Variants in RGS7 observed in about 807,000 individuals in gnomAD.
RGS7 encodes the protein regulator of G protein signaling 7.
A neutral mutation model predicts 81.1 loss-of-function variants in RGS7; 27 were observed. The ratio of observed to expected loss-of-function variants is 0.33; its 90% CI spans 0.25 to 0.46. The LOEUF is 0.46. RGS7 is among the 20% of genes least tolerant of loss of function. The pLI is 1.00. For synonymous variants in RGS7, 208 were observed against 207.7 expected, an observed-to-expected ratio of 1.00 and a Z score of -0.01; for missense variants, 396 against 607.4, an observed-to-expected ratio of 0.65 and a Z score of 3.66.
chr1:241,237,021 G>A (rs918768483), intron 2 of RGS7, among the ~76,000 whole-genome samples: 2 of 152,180 alleles, frequency 1.3e-5, no homozygotes, highest in Non-Finnish European at 2.9e-5. Flanking sequence ...CCTTGTTAAT[G>A]GTCTTCGGAG....
chr1:241,137,393 G>T (rs2067598125), intron 2 of RGS7, among the ~76,000 whole-genome samples: 1 of 152,094 alleles, frequency 6.6e-6, no homozygotes, highest in Non-Finnish European at 1.5e-5. Flanking sequence ...AATGATTTAA[G>T]ATATGTAGAA....
At chr1:241,071,632 A>G (rs919840015) in intron 3 of RGS7, among the ~76,000 whole-genome samples, 12 of 152,096 alleles carry the variant, frequency 7.9e-5, no homozygotes, top group African/African-American at 2.2e-4. Context: ...AAAGACTCCA[A>G]TAAAACACTG....
intron 3 of RGS7, among the ~76,000 whole-genome samples, chr1:241,089,291 G>C (rs2678783): frequency 0.52 from 77,975 of 149,030 alleles, 23,317 homozygotes; most frequent in African/African-American, 0.84. Flanking sequence ...AGGCAGGGAG[G>C]GACTGATCCA....
intron 15 of RGS7, among the ~76,000 whole-genome samples, chr1:240,803,981 A>G (rs1244467708): frequency 6.6e-6 from 1 of 152,154 alleles, no homozygotes; most frequent in Non-Finnish European, 1.5e-5. Context: ...ATTAAATCTC[A>G]AGACTTAGCC....
intron 2 of RGS7, among the ~76,000 whole-genome samples, chr1:241,269,427 A>G (rs1244245884): frequency 2.6e-5 from 4 of 152,228 alleles, no homozygotes; most frequent in Non-Finnish European, 5.9e-5. Flanking sequence ...CCCTCGAGCA[A>G]GGCCTCCTGC....
At chr1:241,069,169 G>C (rs1028937284) in intron 3 of RGS7, among the ~76,000 whole-genome samples, 6 of 152,196 alleles carry the variant, frequency 3.9e-5, no homozygotes. Flanking sequence ...GTCCTATAGA[G>C]ATGTGGATAC....
intron 10 of RGS7, among the ~76,000 whole-genome samples, chr1:240,817,453 T>C (rs931356154): frequency 1.3e-5 from 2 of 152,108 alleles, no homozygotes; most frequent in African/African-American, 4.8e-5. Context: ...CTTGCCAATA[T>C]CTCTAAATTC....
In RGS7 at chr1:241,144,502, A is replaced by C. The variant is rs1415105694; in HGVS notation, c.79-45740T>G. 6.6e-6 allele frequency among the ~76,000 whole-genome samples: 1 copy of C among 152,190 alleles called. No homozygotes were observed. Among genetic ancestry groups the C allele is most frequent in the African/African-American group, 2.4e-5 (1 of 41,434 alleles). ...GATTCCCCCTTCCTTGGGAAGCCAT[A>C]AATGCAACGTTTCACTGAGCAGCAT... On this transcript the variant is annotated intron_variant, in intron 2 of 18. Transcript: ENST00000440928. The surrounding 1 kb of genome is among the most constrained non-coding windows in gnomAD (Gnocchi z 4.7).
chr1:240,989,449 T>C (rs999341907), intron 3 of RGS7, among the ~76,000 whole-genome samples: 3 of 151,154 alleles, frequency 2.0e-5, no homozygotes, highest in African/African-American at 7.3e-5. Flanking sequence ...AAAAAAAAGA[T>C]ACCAGATAAT....
chr1:241,266,858 A>G (rs1397233190), intron 2 of RGS7, among the ~76,000 whole-genome samples: 1 of 152,162 alleles, frequency 6.6e-6, no homozygotes, highest in African/African-American at 2.4e-5. Context: ...AAATCAAGGC[A>G]AATTCTTTTT....
chr1:241,182,047 T>C (rs984143462), intron 2 of RGS7, among the ~76,000 whole-genome samples: 2 of 152,094 alleles, frequency 1.3e-5, no homozygotes, highest in Admixed American at 6.5e-5. Flanking sequence ...TCACAACCTA[T>C]AGCATTGTGA....
intron 3 of RGS7, among the ~76,000 whole-genome samples, chr1:240,986,828 C>T (rs1248382953): frequency 7.0e-4 from 1 of 1,422 alleles, no homozygotes; most frequent in Non-Finnish European, 1.4e-3. Context: ...GTGATCCGCC[C>T]GCCTCGGCCT....
chr1:240,826,092 G>C (rs1365924395), intron 10 of RGS7, among the ~76,000 whole-genome samples: 1 of 152,202 alleles, frequency 6.6e-6, no homozygotes, highest in Non-Finnish European at 1.5e-5. Context: ...AAGCAATTAA[G>C]TTGGGCCAGC....
At chr1:241,101,316 C>A (rs2459947) in intron 2 of RGS7, among the ~76,000 whole-genome samples, 2 of 151,902 alleles carry the variant, frequency 1.3e-5, no homozygotes. Context: ...GCCAACATGG[C>A]GCAACCCTGT....
intron 9 of RGS7, among the ~76,000 whole-genome samples, chr1:240,833,799 C>G (rs1445724573): frequency 6.6e-6 from 1 of 151,774 alleles, no homozygotes; most frequent in Non-Finnish European, 1.5e-5. Flanking sequence ...AGTGTTCAGT[C>G]TCAGGACTTT....
At chr1:241,298,594 C>T (rs889924678) in intron 2 of RGS7, among the ~76,000 whole-genome samples, 1 of 152,154 alleles carries the variant, frequency 6.6e-6, no homozygotes, top group African/African-American at 2.4e-5. Flanking sequence ...TCTGTACCCT[C>T]GGGTATGATT....
At chr1:240,970,611 G>T (rs564440471) in intron 4 of RGS7, among the ~76,000 whole-genome samples, 1 of 152,316 alleles carries the variant, frequency 6.6e-6, no homozygotes, top group South Asian at 2.1e-4. Context: ...AGCAACATGT[G>T]CAGACTTCTC....
At chr1:241,339,015 A>G (rs2082389633) in intron 2 of RGS7, among the ~76,000 whole-genome samples, 1 of 152,096 alleles carries the variant, frequency 6.6e-6, no homozygotes, top group African/African-American at 2.4e-5. Context: ...CCCAACATGC[A>G]TTAGCTATTT....
intron 3 of RGS7, among the ~76,000 whole-genome samples, chr1:241,015,961 A>T (rs1175402895): frequency 2.6e-5 from 4 of 152,198 alleles, no homozygotes; most frequent in Non-Finnish European, 5.9e-5. Context: ...CCATTAAACA[A>T]ATTCACTTTA....
Sources: allele counts gnomAD v4.1 joint callset (sites outside exome capture counted in the v4.1 genomes callset), GRCh38; gene constraint gnomAD v4.1.1; non-coding constraint Gnocchi (gnomAD v3.1); transcripts MANE v1.5; gene names NCBI Gene and HGNC (gene_info 2026-07-23, HGNC 2026-07-21).